BRIP1: variants seen among roughly 807,000 people sequenced by gnomAD.
The protein encoded by BRIP1 is Fanconi anemia group J protein.
In BRIP1, 88 loss-of-function variants were observed where a neutral mutation model predicts 119.7. The ratio of observed to expected loss-of-function variants is 0.74; its 90% CI spans 0.62 to 0.88. The LOEUF is 0.88. Among genes scored for constraint, BRIP1 ranks in the 40% least tolerant of loss-of-function variants. The pLI, the probability that BRIP1 is intolerant of heterozygous loss-of-function variation, is 0.00. For missense variants in BRIP1, 1,259 were observed against 1,455.4 expected (o/e 0.87, Z 2.20); for synonymous variants, 443 against 496.5 (o/e 0.89, Z 1.43).
chr17:61,857,008 T>C lies in BRIP1; in HGVS notation c.379+50A>G. The C allele has an allele frequency of 6.6e-7, 1 of 1,525,226 alleles. No individual in the cohort carries two copies. Among genetic ancestry groups the C allele is most frequent in the Non-Finnish European group, 9.1e-7 (1 of 1,099,216 alleles). 94.5% of individuals were successfully genotyped at this position (1,525,226 alleles called of 1,614,324 possible). ...AAATTAGGGCTTATAACAGTAATAATTAAGACTCTTATTACAGATATCAAC... is the reference window on the plus strand; with the variant it reads ...AAATTAGGGCTTATAACAGTAATAACTAAGACTCTTATTACAGATATCAAC... On this transcript the variant is annotated intron_variant, in intron 4 of 19. Coordinates refer to ENST00000259008, the MANE Select transcript of BRIP1 (RefSeq NM_032043.3). The surrounding 1 kb of genome is among the most constrained non-coding windows in gnomAD (Gnocchi z 5.1).
intron 18 of BRIP1, among the ~76,000 whole-genome samples, chr17:61,692,129 G>A (rs1034029249): frequency 2.6e-5 from 4 of 152,242 alleles, no homozygotes; most frequent in Admixed American, 2.0e-4. Flanking sequence ...TGCTATGATT[G>A]TAGACTTTCT....
At position 61,760,170 on chromosome 17, in the gene BRIP1, C is replaced by T. The variant is rs1190115017; in HGVS notation, c.2098-15579G>A. 6.6e-6 allele frequency among the ~76,000 whole-genome samples: 1 copy of T among 151,656 alleles called. No homozygotes were observed. The highest frequency in any genetic ancestry group is 1.5e-5 in the Non-Finnish European group (1 of 67,842). On this transcript the variant is annotated intron_variant, in intron 14 of 19. Coordinates refer to ENST00000259008, the MANE Select transcript of BRIP1 (RefSeq NM_032043.3). This position sits in a 1 kb window ranked among gnomAD's most constrained non-coding sequence, Gnocchi z 4.6. Reference sequence around the variant, plus strand: ...AATTCACAAATATATGGAAATTAAACAACATGTTCCTGAACAACCAAACAA... The same window carrying T: ...AATTCACAAATATATGGAAATTAAATAACATGTTCCTGAACAACCAAACAA...
At position 61,767,788 on chromosome 17, in the gene BRIP1, C is replaced by T. The variant is rs943308424; in HGVS notation, c.2097+8613G>A. On this transcript the variant is annotated intron_variant, in intron 14 of 19. Transcript: ENST00000259008. This position sits in a 1 kb window ranked among gnomAD's most constrained non-coding sequence, Gnocchi z 5.7. Reference sequence around the variant, plus strand: ...CCAGTCTTTACATTACATTTTCACACATGCCAAGCTAAACTCTGTGATTAT... The same window carrying T: ...CCAGTCTTTACATTACATTTTCACATATGCCAAGCTAAACTCTGTGATTAT... 2.0e-5 allele frequency among the ~76,000 whole-genome samples: 3 copies of T among 152,138 alleles called. No individual in the cohort carries two copies. The highest frequency in any genetic ancestry group is 2.9e-5 in the Non-Finnish European group (2 of 68,018).
chr17:61,840,773 C>A (rs1204008864), intron 6 of BRIP1, among the ~76,000 whole-genome samples: 3 of 151,916 alleles, frequency 2.0e-5, no homozygotes, highest in African/African-American at 4.8e-5. Flanking sequence ...CCCTGAATAG[C>A]CAAAGTAATA....
rs772636536 is a variant in BRIP1, at chr17:61,743,049, T to C, written c.2343A>G (p.Thr781=). 1.2e-6 allele frequency: 2 copies of C among 1,614,048 alleles called. No homozygotes were observed. The highest frequency in any genetic ancestry group is 2.2e-5 in the East Asian group (1 of 44,856). ...TCACATTTGGAAAAGGAATTCCTAT[T>C]GTTATGACAGCACGGGCATTGTCAT... ...FSDDNARAVI[T]IGIPFPNVKD... Residue 781 remains threonine (T), a synonymous_variant, in exon 16 of 20, where the codon ACA becomes ACG. Coordinates refer to ENST00000259008, the MANE Select transcript of BRIP1 (RefSeq NM_032043.3). The surrounding 1 kb of genome is among the most constrained non-coding windows in gnomAD (Gnocchi z 4.3).
At chr17:61,855,526 C>T (rs751617044) in intron 4 of BRIP1, among the ~76,000 whole-genome samples, 51 of 148,994 alleles carry the variant, frequency 3.4e-4, no homozygotes, top group South Asian at 1.5e-3. Context: ...TTGCAGTGGG[C>T]CAAGGTCACA....
In BRIP1 at chr17:61,684,052, C is replaced by G. The variant is rs757225144; in HGVS notation, c.2994G>C (p.Lys998Asn). The G allele has an allele frequency of 5.0e-6, 8 of 1,613,690 alleles. No homozygotes were observed. The highest frequency in any genetic ancestry group is 6.8e-6 in the Non-Finnish European group (8 of 1,179,886). Residue 998 changes from lysine (K) to asparagine (N), a missense_variant, in exon 20 of 20, where the codon AAG becomes AAC. Lys to Asn is a moderately conservative substitution (Grantham distance 94, BLOSUM62 0). This residue lies in a region of BRIP1 where 753 missense variants were observed against 891.8 expected (regional missense o/e 0.84). Transcript: ENST00000259008. This position sits in a 1 kb window ranked among gnomAD's most constrained non-coding sequence, Gnocchi z 4.5. ...AATTAAAGCTTGACCAGCTAACTCTCTTTGTTTGTTTGTTGAAAGTTGGGC... is the reference window on the plus strand; with the variant it reads ...AATTAAAGCTTGACCAGCTAACTCTGTTTGTTTGTTTGTTGAAAGTTGGGC... ...STSPTFNKQT[K>N]RVSWSSFNSL... is the part of the protein sequence containing the mutation.
chr17:61,714,078 A>AC (rs2061821751), intron 17 of BRIP1, among the ~76,000 whole-genome samples: 1 of 152,206 alleles, frequency 6.6e-6, no homozygotes, highest in Admixed American at 6.5e-5. Context: ...TGGGAGGCTA[A>AC]GGTGAGAGGA....
chr17:61,750,734 C>A (rs2077121747), intron 14 of BRIP1, among the ~76,000 whole-genome samples: 1 of 148,354 alleles, frequency 6.7e-6, no homozygotes, highest in Non-Finnish European at 1.5e-5. Flanking sequence ...GCCCAAAGGA[C>A]ATGAAAAGAT....
rs1423924964 is a variant in BRIP1 at position 61,705,184 on chromosome 17, A to C, written c.2492+10767T>G. ...TTATCTCCCATTTATAAGTGGGAAC[A>C]TATGGTATTTGGTTTTCTGTTTCTG... On this transcript the variant is annotated intron_variant, in intron 17 of 19. Transcript: ENST00000259008. The surrounding 1 kb of genome is among the most constrained non-coding windows in gnomAD (Gnocchi z 5.0). 6.6e-6 allele frequency among the ~76,000 whole-genome samples: 1 copy of C among 152,174 alleles called. No individual in the cohort carries two copies. The highest frequency in any genetic ancestry group is 1.5e-5 in the Non-Finnish European group (1 of 68,014).
Position 61,717,418 on chromosome 17 carries a change from G to A in BRIP1, c.2380-1355C>T, listed in dbSNP as rs566502159. On this transcript the variant is annotated intron_variant, in intron 16 of 19. Coordinates refer to ENST00000259008, the MANE Select transcript of BRIP1 (RefSeq NM_032043.3). The surrounding 1 kb of genome is among the most constrained non-coding windows in gnomAD (Gnocchi z 4.1). ...ACTTTCTTTAATATTAGTAGTGCACGTTTGCTAGCAATGAGTTCTTTCAAC... is the reference window on the plus strand; with the variant it reads ...ACTTTCTTTAATATTAGTAGTGCACATTTGCTAGCAATGAGTTCTTTCAAC... Among the ~76,000 whole-genome samples, 75 of 152,088 alleles carry A rather than the reference G, an allele frequency of 4.9e-4. No homozygotes were observed. Among genetic ancestry groups the A allele is most frequent in the African/African-American group, 1.6e-3 (68 of 41,520 alleles).
intron 14 of BRIP1, among the ~76,000 whole-genome samples, chr17:61,765,612 T>C (rs2077362332): frequency 1.3e-5 from 2 of 149,482 alleles, no homozygotes; most frequent in African/African-American, 4.9e-5. Context: ...ATTTTGAATT[T>C]TTAGTACAGA....
In BRIP1 at chr17:61,796,249, T is replaced by C. The variant is rs2077897777; in HGVS notation, c.1341-2520A>G. 6.6e-6 allele frequency among the ~76,000 whole-genome samples: 1 copy of C among 152,160 alleles called. No individual in the cohort carries two copies. Among genetic ancestry groups the C allele is most frequent in the Non-Finnish European group, 1.5e-5 (1 of 68,004 alleles). ...TGTTTCCTTTGCTGTGCAGCAGCTT[T>C]TTAACTTGATGTGATCCCATCTGTC... On this transcript the variant is annotated intron_variant, in intron 9 of 19. Transcript: ENST00000259008. This position sits in a 1 kb window ranked among gnomAD's most constrained non-coding sequence, Gnocchi z 4.8.
At chr17:61,813,034 T>C (rs2078186702) in intron 6 of BRIP1, among the ~76,000 whole-genome samples, 1 of 152,114 alleles carries the variant, frequency 6.6e-6, no homozygotes. Context: ...TAAATATTTT[T>C]AGAAATGGAA....
At chr17:61,732,326 C>T (rs535389036) in intron 16 of BRIP1, among the ~76,000 whole-genome samples, 1 of 152,208 alleles carries the variant, frequency 6.6e-6, no homozygotes, top group South Asian at 2.1e-4. Context: ...TGTAATCTAA[C>T]CTCTGATGAG....
At position 61,759,695 on chromosome 17, in the gene BRIP1, T is replaced by C. The variant is rs1169667238; in HGVS notation, c.2098-15104A>G. On this transcript the variant is annotated intron_variant, in intron 14 of 19. Transcript: ENST00000259008. The surrounding 1 kb of genome is among the most constrained non-coding windows in gnomAD (Gnocchi z 4.9). ...TTTGTTACCCATCATATATAAACGG[T>C]TAATGTTTATACTATACTGCAGTCT... 6.6e-6 allele frequency among the ~76,000 whole-genome samples: 1 copy of C among 151,824 alleles called. No individual in the cohort carries two copies. The highest frequency in any genetic ancestry group is 2.4e-5 in the African/African-American group (1 of 41,324).
At chr17:61,698,416 G>C (rs575618253) in intron 17 of BRIP1, among the ~76,000 whole-genome samples, 4 of 152,252 alleles carry the variant, frequency 2.6e-5, no homozygotes, top group African/African-American at 9.6e-5. Context: ...GGCCTATCCT[G>C]AAGAACATGC....
intron 16 of BRIP1, among the ~76,000 whole-genome samples, chr17:61,737,714 A>C (rs1299379582): frequency 2.6e-5 from 4 of 152,228 alleles, no homozygotes. Flanking sequence ...TTTCCAAATA[A>C]TAAAAAGCCT....
chr17:61,742,608 AG>A lies in BRIP1; in HGVS notation c.2379+404del, dbSNP rs1476550516. ...GTGTCTCAGGGAATGGAGAGTCCCAAGGAGAGAGAAATGGGGGAAGGGTAGT... is the reference window on the plus strand; with the variant it reads ...GTGTCTCAGGGAATGGAGAGTCCCAAGAGAGAGAAATGGGGGAAGGGTAGT... On this transcript the variant is annotated intron_variant, in intron 16 of 19. Transcript: ENST00000259008. This position sits in a 1 kb window ranked among gnomAD's most constrained non-coding sequence, Gnocchi z 4.7. Among the ~76,000 whole-genome samples the A allele has an allele frequency of 1.3e-5, 2 of 152,170 alleles. No homozygotes were observed. The highest frequency in any genetic ancestry group is 2.9e-5 in the Non-Finnish European group (2 of 68,026).
Sources: gnomAD v4.1 joint callset for allele counts (sites outside exome capture counted in the v4.1 genomes callset) on GRCh38, gnomAD v4.1.1 for gene constraint, gnomAD v4.1.1 regional missense constraint, Gnocchi (gnomAD v3.1) non-coding constraint, MANE v1.5 for transcripts, NCBI Gene and HGNC (gene_info 2026-07-23, HGNC 2026-07-21) for gene names.